The following ZNF582 variants were observed in gnomAD, a reference collection of about 807,000 sequenced individuals.
ZNF582 encodes zinc finger protein 582.
Under a neutral mutation model 12.3 loss-of-function variants are expected in ZNF582, and 14 were observed. The observed-to-expected ratio is 1.14, with a 90% CI of 0.75 to 1.78. The LOEUF (loss-of-function observed/expected upper bound fraction) is 1.78, where lower values mean the gene tolerates loss of function less well. Ranked by LOEUF, ZNF582 falls within the 40% of genes most tolerant of loss-of-function variation. The pLI is 0.00. For synonymous variants in ZNF582, 210 were observed against 207.2 expected (o/e 1.01, Z -0.11); for missense variants, 567 against 616.5 (o/e 0.92, Z 0.85).
intron 3 of ZNF582, 113 bp from the exon 4 acceptor site, chr19:56,390,209 T>C (rs890492438): frequency 7.5e-6 from 10 of 1,342,224 alleles, no homozygotes; most frequent in African/African-American, 7.2e-5. Context: ...CAGAGGAAGA[T>C]GGGACAGTTG....
At position 56,385,193 on chromosome 19, in the gene ZNF582, G is replaced by GA. The variant is rs2041955666; in HGVS notation, c.233-10dup. 6.4e-7 allele frequency: 1 copy of GA among 1,550,762 alleles called. No individual in the cohort carries two copies. The highest frequency in any genetic ancestry group is 8.6e-7 in the Non-Finnish European group (1 of 1,157,886). On this transcript the variant is annotated splice_polypyrimidine_tract_variant and intron_variant, in intron 4 of 4. Coordinates refer to ENST00000586929, the Ensembl canonical transcript of ZNF582. ...ATATCTGGACTCCAATACTAAGAAT[G>GA]AAAAAAAGCGAATATGTTTGGCTTC... is the stretch of plus-strand genomic sequence containing the variant.
In ZNF582 at chr19:56,391,709, A is replaced by T. The variant is rs201672446; in HGVS notation, c.9+35T>A. 1.3e-5 allele frequency: 21 copies of T among 1,597,484 alleles called. No individual in the cohort carries two copies. The Admixed American group carries it at 2.2e-4, about 17-fold the overall frequency. ...AACCCAGGTGGAAAGTTTCAAGATA[A>T]GGAAAGCAAATATTTATGGGATTTA... On this transcript the variant is annotated intron_variant, in intron 2 of 4. Transcript: ENST00000586929.
At chr19:56,388,144 G>A (rs951750708) in intron 4 of ZNF582, 4 of 151,890 alleles carry the variant, frequency 2.6e-5, no homozygotes, top group Admixed American at 1.3e-4. Flanking sequence ...TAAAAAAAGG[G>A]GGGGGGGATT....
At chr19:56,391,222 T>G (rs1421302297) in intron 2 of ZNF582, among the ~76,000 whole-genome samples, 1 of 152,186 alleles carries the variant, frequency 6.6e-6, no homozygotes, top group Non-Finnish European at 1.5e-5. Context: ...AGCTCTGTAC[T>G]TTTCTTCCTC....
At chr19:56,383,924 CTGA>C (rs1307584545) in exon 5 of ZNF582, 1 of 1,608,938 alleles carries the variant, frequency 6.2e-7, no homozygotes, top group Non-Finnish European at 8.5e-7. Flanking sequence ...CATAAATTCT[CTGA>C]TGATTAGTAA....
At chr19:56,386,490 G>A (rs189947433) in intron 4 of ZNF582, 1 of 152,414 alleles carries the variant, frequency 6.6e-6, no homozygotes, top group Non-Finnish European at 1.5e-5. Context: ...TTGTTTAGAG[G>A]ATTAGGCCAG....
exon 5 of ZNF582, chr19:56,384,825 G>C: frequency 6.2e-7 from 1 of 1,602,854 alleles, no homozygotes; most frequent in South Asian, 1.1e-5. Context: ...CATTTATAGG[G>C]TTTCTCATTA....
In ZNF582 at chr19:56,385,125, C is replaced by A. The variant is rs557432009; in HGVS notation, c.292G>T (p.Glu98Ter). The change falls in exon 5 of 5, where the codon GAA becomes TAA. Residue 98 changes from glutamate to a stop codon, truncating the protein, a stop_gained. Transcript: ENST00000586929. LOFTEE classifies it low-confidence loss of function (END_TRUNC). ...TCCATTATCTCCCATTGGGGTGATT[C>A]GACTTCATAAACATGCTGCTTTGGA... 1 of 1,612,736 alleles carries A rather than the reference C, an allele frequency of 6.2e-7. No homozygotes were observed. Among genetic ancestry groups the A allele is most frequent in the Admixed American group, 1.7e-5 (1 of 59,938 alleles).
intron 2 of ZNF582, 136 bp from the exon 3 acceptor site, chr19:56,390,637 A>C (rs2147517716): frequency 1.2e-6 from 1 of 861,380 alleles, no homozygotes; most frequent in South Asian, 1.7e-5. Context: ...GAAAGGTGAC[A>C]GAAGAAATGG....
chr19:56,384,584 G>A lies in ZNF582; in HGVS notation c.833C>T (p.Thr278Ile), dbSNP rs1349597449. ...CTTACACTGATAGGGTTTCTCGCCT[G>A]TGTGAGTTCGCTGATGTTCAATCAA... is the stretch of plus-strand genomic sequence containing the variant. Residue 278 changes from threonine (T) to isoleucine (I), a missense_variant, in exon 5 of 5, where the codon ACA becomes ATA. By Grantham distance (89) the Thr-to-Ile change is moderately conservative. Transcript: ENST00000586929. The A allele has an allele frequency of 1.2e-6, 2 of 1,614,182 alleles. No individual in the cohort carries two copies. Among genetic ancestry groups the A allele is most frequent in the Non-Finnish European group, 1.7e-6 (2 of 1,180,034 alleles).
chr19:56,383,788 G>T, exon 5 of ZNF582: 1 of 1,462,394 alleles, frequency 6.8e-7, no homozygotes, highest in Non-Finnish European at 9.0e-7. Context: ...ACCTCTGAAT[G>T]AAGGCATTGT....
At chr19:56,390,634 G>A (rs2042007643) in intron 2 of ZNF582, 133 bp from the exon 3 acceptor site, 1 of 905,660 alleles carries the variant, frequency 1.1e-6, no homozygotes, top group Non-Finnish European at 1.7e-6. Context: ...TGTGAAAGGT[G>A]ACAGAAGAAA....
intron 4 of ZNF582, 25 bp from the exon 5 acceptor site, chr19:56,385,209 G>A (rs750816243): frequency 1.9e-6 from 3 of 1,539,988 alleles, no homozygotes; most frequent in Middle Eastern, 1.7e-4. Flanking sequence ...AAGCGAATAT[G>A]TTTGGCTTCT....
At chr19:56,384,388 T>C (rs763355154) in exon 5 of ZNF582, 5 of 1,606,518 alleles carry the variant, frequency 3.1e-6, no homozygotes, top group East Asian at 4.5e-5. Flanking sequence ...CCTTCCCACA[T>C]TCCTTACATT....
At chr19:56,384,756 G>T in exon 5 of ZNF582, 1 of 1,601,714 alleles carries the variant, frequency 6.2e-7, no homozygotes, top group African/African-American at 1.3e-5. Flanking sequence ...TTACCAGAAT[G>T]AATATTCTCA....
At chr19:56,393,517 G>C (rs529501083) in exon 1 of ZNF582, 2 of 493,880 alleles carry the variant, frequency 4.0e-6, no homozygotes, top group South Asian at 2.9e-5. Flanking sequence ...CCACGGTACC[G>C]GTGGATTCGC....
exon 5 of ZNF582, chr19:56,384,238 T>G (rs139795329): frequency 6.2e-7 from 1 of 1,613,788 alleles, no homozygotes; most frequent in Non-Finnish European, 8.5e-7. Flanking sequence ...ATTGGTAGGG[T>G]TTCTCTCCAG....
chr19:56,391,633 G>T, intron 2 of ZNF582, 111 bp downstream of exon 2: 1 of 906,976 alleles, frequency 1.1e-6, no homozygotes, highest in Non-Finnish European at 1.8e-6. Flanking sequence ...CTCCTGCCTG[G>T]TCCTTTTATT....
intron 4 of ZNF582, among the ~76,000 whole-genome samples, chr19:56,388,768 G>T (rs1332609717): frequency 6.6e-6 from 1 of 152,086 alleles, no homozygotes; most frequent in South Asian, 2.1e-4. Flanking sequence ...AAGTAGCTGG[G>T]ATTATAGGCA....
Sources: gnomAD v4.1 joint callset for allele counts (sites outside exome capture counted in the v4.1 genomes callset) on GRCh38, gnomAD v4.1.1 for gene constraint, MANE v1.5 for transcripts, NCBI Gene and HGNC (gene_info 2026-07-23, HGNC 2026-07-21) for gene names.